The following REC114 variants were observed in gnomAD, a reference collection of about 807,000 sequenced individuals.
REC114 encodes meiotic recombination protein REC114.
In REC114, 27 loss-of-function variants were observed where a neutral mutation model predicts 31.3. The observed-to-expected ratio is 0.86, with a 90% CI of 0.64 to 1.19. The LOEUF is 1.19. Ranked by LOEUF, REC114 falls within the 50% of genes most tolerant of loss-of-function variation. The pLI is 0.00. For synonymous variants in REC114, 134 were observed against 127.7 expected (o/e 1.05, Z -0.33); for missense variants, 344 against 326.9 (o/e 1.05, Z -0.40).
Position 73,560,008 on chromosome 15 carries a change from T to C in REC114, c.*92T>C, listed in dbSNP as rs1894564640. ...GAAGATATTAGAATAAAGAGTATTATCCAAACACCTTTTATCAATGTTTTA... is the reference window on the plus strand; with the variant it reads ...GAAGATATTAGAATAAAGAGTATTACCCAAACACCTTTTATCAATGTTTTA... On this transcript the variant is annotated 3_prime_UTR_variant, in exon 6 of 6. Transcript: ENST00000331090. 10 of 1,190,324 alleles carry C rather than the reference T, an allele frequency of 8.4e-6. No individual in the cohort carries two copies. Among genetic ancestry groups the C allele is most frequent in the South Asian group, 1.6e-5 (1 of 63,792 alleles). The allele number at this position is 1,190,324 out of a possible 1,614,324, so 73.7% of individuals were successfully genotyped here. A position where few individuals can be genotyped will look rare whatever the true frequency, so the allele number is the denominator to read the frequency against.
intron 2 of REC114, among the ~76,000 whole-genome samples, chr15:73,527,085 C>T (rs1010792161): frequency 5.9e-5 from 9 of 152,024 alleles, no homozygotes; most frequent in African/African-American, 2.2e-4. Flanking sequence ...GTACTGGGAC[C>T]ATAGGTGTAA....
At chr15:73,467,240 G>A (rs1893074506) in intron 1 of REC114, among the ~76,000 whole-genome samples, 1 of 152,140 alleles carries the variant, frequency 6.6e-6, no homozygotes, top group Non-Finnish European at 1.5e-5. Flanking sequence ...TTTCAGGAAG[G>A]AGTATTTTTA....
chr15:73,474,932 C>T (rs968177573), intron 2 of REC114, among the ~76,000 whole-genome samples: 3 of 152,158 alleles, frequency 2.0e-5, no homozygotes, highest in Admixed American at 6.6e-5. Context: ...TTGTATTCCT[C>T]GTGACTTTTA....
At chr15:73,464,885 T>TTTTGTTTGTTTG (rs369465530) in intron 1 of REC114, among the ~76,000 whole-genome samples, 1 of 152,048 alleles carries the variant, frequency 6.6e-6, no homozygotes, top group African/African-American at 2.4e-5. Flanking sequence ...ATGATGTGTT[T>TTTTGTTTGTTTG]TTTGTTTGTT....
chr15:73,510,123 A>G (rs1036259623), intron 2 of REC114, among the ~76,000 whole-genome samples: 10 of 152,060 alleles, frequency 6.6e-5, no homozygotes, highest in Admixed American at 6.6e-4. Flanking sequence ...TTCTTTGAGC[A>G]GTGGTTTGTA....
chr15:73,446,790 G>A (rs1892770230), intron 1 of REC114, among the ~76,000 whole-genome samples: 5 of 152,228 alleles, frequency 3.3e-5, no homozygotes, highest in Admixed American at 2.0e-4. Flanking sequence ...GAAGATGTAG[G>A]CAGGTGCCTT....
intron 2 of REC114, 140 bp downstream of exon 2, chr15:73,474,061 A>G (rs1893175179): frequency 6.0e-6 from 4 of 667,070 alleles, no homozygotes; most frequent in East Asian, 2.8e-5. Flanking sequence ...CGAATGTGCC[A>G]TAATAGTGGG....
chr15:73,550,264 TAA>T (rs1401019316), intron 3 of REC114, among the ~76,000 whole-genome samples: 1 of 152,176 alleles, frequency 6.6e-6, no homozygotes, highest in Non-Finnish European at 1.5e-5. Flanking sequence ...TGTAATCAAA[TAA>T]GTTTGATGTA....
intron 1 of REC114, among the ~76,000 whole-genome samples, chr15:73,451,999 T>C (rs1892856698): frequency 6.6e-6 from 1 of 152,220 alleles, no homozygotes; most frequent in Non-Finnish European, 1.5e-5. Context: ...TAATAAGGGC[T>C]ATTTATGATA....
rs775715087 is a variant in REC114 at position 73,540,485 on chromosome 15, G to A, written c.250G>A (p.Glu84Lys). The change falls in exon 3 of 6, where the codon GAA becomes AAA. Residue 84 changes from glutamate (E) to lysine (K), a missense_variant and splice_region_variant. Transcript: ENST00000331090. ...FFIFQGQTLL[E>K]GFSLIGSKDW... is the part of the protein sequence containing the mutation. ...TAATTTTTGCCTAATTTTGTTTCAG[G>A]AAGGGTTTTCACTCATTGGTAGCAA... 1.2e-6 allele frequency: 2 copies of A among 1,613,362 alleles called. No individual in the cohort carries two copies. Among genetic ancestry groups the A allele is most frequent in the Non-Finnish European group, 1.7e-6 (2 of 1,179,404 alleles).
intron 2 of REC114, among the ~76,000 whole-genome samples, chr15:73,521,173 TGA>T (rs1248757193): frequency 6.6e-6 from 1 of 152,166 alleles, no homozygotes; most frequent in Non-Finnish European, 1.5e-5. Flanking sequence ...ACAATCCTGG[TGA>T]GAGACTTCAA....
intron 2 of REC114, among the ~76,000 whole-genome samples, chr15:73,514,239 G>A (rs374457091): frequency 8.6e-5 from 13 of 151,366 alleles, no homozygotes; most frequent in African/African-American, 2.9e-4. Context: ...TCTTTGACTC[G>A]GAAAGGGAAC....
At chr15:73,463,725 G>A (rs1893019997) in intron 1 of REC114, among the ~76,000 whole-genome samples, 1 of 152,076 alleles carries the variant, frequency 6.6e-6, no homozygotes, top group Non-Finnish European at 1.5e-5. Flanking sequence ...GGATGCTGAG[G>A]CAGGAGAATC....
chr15:73,511,129 T>G (rs903992927), intron 2 of REC114, among the ~76,000 whole-genome samples: 1 of 152,032 alleles, frequency 6.6e-6, no homozygotes, highest in Admixed American at 6.5e-5. Context: ...GCTCCTGTTA[T>G]TGGTCTATTC....
intron 2 of REC114, among the ~76,000 whole-genome samples, chr15:73,482,652 C>T (rs188417225): frequency 6.6e-6 from 1 of 152,322 alleles, no homozygotes; most frequent in Admixed American, 6.5e-5. Context: ...TTGCTCCATG[C>T]TATAGCATAT....
At chr15:73,466,791 C>A (rs145805951) in intron 1 of REC114, among the ~76,000 whole-genome samples, 1 of 152,192 alleles carries the variant, frequency 6.6e-6, no homozygotes, top group East Asian at 1.9e-4. Flanking sequence ...ACACTTGCAA[C>A]AGTGTTTTAA....
rs8024191 is a variant in REC114, at chr15:73,531,879, C to A, written c.250-8606C>A. ...CAAGTTTCTCTGCTGGAAACTCTCACCCCTCTTAGCTTCCACATTACTCTG... is the reference window on the plus strand; with the variant it reads ...CAAGTTTCTCTGCTGGAAACTCTCAACCCTCTTAGCTTCCACATTACTCTG... On this transcript the variant is annotated intron_variant, in intron 2 of 5. Transcript: ENST00000331090. Among the ~76,000 whole-genome samples, 543 of 152,208 alleles carry A rather than the reference C, an allele frequency of 3.6e-3. 2 individuals carry two copies. Among genetic ancestry groups the A allele is most frequent in the African/African-American group, 0.013 (519 of 41,516 alleles).
intron 3 of REC114, among the ~76,000 whole-genome samples, chr15:73,549,549 T>A (rs1239586709): frequency 1.3e-5 from 2 of 152,188 alleles, no homozygotes; most frequent in African/African-American, 2.4e-5. Flanking sequence ...GATGTGATTA[T>A]TACTCATTGA....
intron 2 of REC114, among the ~76,000 whole-genome samples, chr15:73,495,166 GA>G (rs2141304998): frequency 1.3e-5 from 2 of 152,040 alleles, no homozygotes; most frequent in South Asian, 4.1e-4. Flanking sequence ...ATAATCTTTT[GA>G]AAGGGTACTA....
Sources: allele counts gnomAD v4.1 joint callset (sites outside exome capture counted in the v4.1 genomes callset), GRCh38; gene constraint gnomAD v4.1.1; transcripts MANE v1.5; gene names NCBI Gene and HGNC (gene_info 2026-07-23, HGNC 2026-07-21).